The following PPHLN1 variants were observed in gnomAD, a reference collection of about 807,000 sequenced individuals.
PPHLN1 encodes periphilin-1.
Under a neutral mutation model 51.3 loss-of-function variants are expected in PPHLN1, and 29 were observed. That is an observed-to-expected ratio of 0.57 (90% CI 0.42 to 0.77). The LOEUF (loss-of-function observed/expected upper bound fraction) is 0.77. Among genes scored for constraint, PPHLN1 ranks in the 30% least tolerant of loss-of-function variants. The pLI is 0.00. For synonymous variants in PPHLN1, 147 were observed against 147.8 expected, an observed-to-expected ratio of 0.99 and a Z score of 0.04; for missense variants, 436 against 438.4, an observed-to-expected ratio of 0.99 and a Z score of 0.05.
chr12:42,370,946 C>T (rs1250058751), intron 4 of PPHLN1, among the ~76,000 whole-genome samples: 1 of 151,988 alleles, frequency 6.6e-6, no homozygotes, highest in Non-Finnish European at 1.5e-5. Context: ...GCTGGGACTA[C>T]AGACACACAC....
intron 9 of PPHLN1, among the ~76,000 whole-genome samples, chr12:42,431,194 TAAAAC>T (rs1431951307): frequency 6.6e-6 from 1 of 152,168 alleles, no homozygotes; most frequent in African/African-American, 2.4e-5. Context: ...AAAAACATAT[TAAAAC>T]AGACCAGTTT....
intron 9 of PPHLN1, among the ~76,000 whole-genome samples, chr12:42,419,257 C>G (rs1383815348): frequency 6.6e-6 from 1 of 151,082 alleles, no homozygotes; most frequent in Admixed American, 6.6e-5. Context: ...CTTTTTTTTT[C>G]TTGAGATGGA....
chr12:42,326,579 C>A (rs911870123), intron 1 of PPHLN1, among the ~76,000 whole-genome samples: 4 of 152,040 alleles, frequency 2.6e-5, no homozygotes, highest in Non-Finnish European at 4.4e-5. Context: ...AATAAACAGA[C>A]CTTTTATGTT....
At chr12:42,370,987 A>G (rs912689572) in intron 4 of PPHLN1, among the ~76,000 whole-genome samples, 4 of 151,850 alleles carry the variant, frequency 2.6e-5, no homozygotes, top group African/African-American at 9.7e-5. Context: ...TGTATTTTTA[A>G]TAGAGATGGG....
At chr12:42,445,791 T>G (rs1238035083), downstream of PPHLN1, 5 of 652,640 alleles carry the variant, frequency 7.7e-6, no homozygotes, top group Admixed American at 1.4e-4. Context: ...CAAGCCTTAC[T>G]TACCCTTAAT....
intron 1 of PPHLN1, among the ~76,000 whole-genome samples, chr12:42,327,911 A>C (rs1185297763): frequency 1.3e-5 from 2 of 152,248 alleles, no homozygotes; most frequent in Non-Finnish European, 2.9e-5. Flanking sequence ...CTATGTGAGA[A>C]TATGATCCCA....
intron 9 of PPHLN1, among the ~76,000 whole-genome samples, chr12:42,419,616 T>C (rs1303337369): frequency 1.3e-5 from 2 of 152,244 alleles, no homozygotes; most frequent in African/African-American, 4.8e-5. Flanking sequence ...CTTTTGAAGA[T>C]TGAATTGTAA....
At chr12:42,446,687 A>G (rs1378723892), downstream of PPHLN1, 2 of 1,560,108 alleles carry the variant, frequency 1.3e-6, no homozygotes, top group African/African-American at 2.7e-5. Flanking sequence ...TGATGCAAAA[A>G]ACAGAAAAGG....
chr12:42,367,382 G>A (rs1422717749), intron 4 of PPHLN1, among the ~76,000 whole-genome samples: 1 of 151,046 alleles, frequency 6.6e-6, no homozygotes, highest in Non-Finnish European at 1.5e-5. Flanking sequence ...CACAATTTAT[G>A]ATAAATCAGG....
At chr12:42,344,386 C>A (rs546094210) in intron 2 of PPHLN1, among the ~76,000 whole-genome samples, 1 of 152,220 alleles carries the variant, frequency 6.6e-6, no homozygotes, top group Admixed American at 6.5e-5. Context: ...AAGGAGAAAT[C>A]GACTATCAGC....
At chr12:42,362,441 GTTGCCAAACCAAGGTCATCTGTGTTGTT>G (rs1345947013) in intron 4 of PPHLN1, among the ~76,000 whole-genome samples, 1 of 151,840 alleles carries the variant, frequency 6.6e-6, no homozygotes, top group Non-Finnish European at 1.5e-5. Context: ...CTAAGAATCC[GTTGCCAAACCAAGGTCATCTGTGTTGTT>G]TTGACATGTC....
intron 2 of PPHLN1, among the ~76,000 whole-genome samples, chr12:42,350,006 C>T (rs2073003910): frequency 1.3e-5 from 2 of 149,836 alleles, no homozygotes; most frequent in South Asian, 2.1e-4. Context: ...CCCTCCCACC[C>T]CCCAGAGGGG....
At chr12:42,426,230 C>CACACACA (rs1414627621) in intron 9 of PPHLN1, among the ~76,000 whole-genome samples, 18 of 80,380 alleles carry the variant, frequency 2.2e-4, no homozygotes, top group African/African-American at 8.1e-4. Context: ...ACACACACAC[C>CACACACA]CTCATGCATT....
At chr12:42,386,228 C>T (rs1020828061) in intron 6 of PPHLN1, among the ~76,000 whole-genome samples, 2 of 152,214 alleles carry the variant, frequency 1.3e-5, no homozygotes, top group African/African-American at 2.4e-5. Context: ...CTGTCTTCTA[C>T]TAAATATATG....
chr12:42,426,228 A>ACACACACACACACCCCC (rs371819974), intron 9 of PPHLN1, among the ~76,000 whole-genome samples: 15 of 129,862 alleles, frequency 1.2e-4, no homozygotes, highest in African/African-American at 4.9e-4. Context: ...ACACACACAC[A>ACACACACACACACCCCC]CCCTCATGCA....
chr12:42,413,384 A>G (rs2080050468), intron 9 of PPHLN1, among the ~76,000 whole-genome samples: 2 of 151,942 alleles, frequency 1.3e-5, no homozygotes, highest in Non-Finnish European at 2.9e-5. Context: ...CCTTTCCTGA[A>G]TTTATGTTTT....
At chr12:42,433,223 T>C in intron 9 of PPHLN1, 1 of 752,310 alleles carries the variant, frequency 1.3e-6, no homozygotes, top group Admixed American at 1.8e-5. Context: ...GGTCATTTGC[T>C]CTTGAATATA....
chr12:42,435,785 T>C (rs1402431261), intron 9 of PPHLN1, among the ~76,000 whole-genome samples: 1 of 152,192 alleles, frequency 6.6e-6, no homozygotes, highest in African/African-American at 2.4e-5. Flanking sequence ...GGTAAAATAG[T>C]TGCAAATATG....
chr12:42,423,033 G>T (rs1462108941), intron 9 of PPHLN1, among the ~76,000 whole-genome samples: 1 of 152,164 alleles, frequency 6.6e-6, no homozygotes, highest in East Asian at 1.9e-4. Context: ...TGACAGCATG[G>T]TTCTAACATT....
Sources: allele counts gnomAD v4.1 joint callset (sites outside exome capture counted in the v4.1 genomes callset), GRCh38; gene constraint gnomAD v4.1.1; transcripts MANE v1.5; gene names NCBI Gene and HGNC (gene_info 2026-07-23, HGNC 2026-07-21).